TEX26: variants seen among roughly 807,000 people sequenced by gnomAD.
The protein encoded by TEX26 is testis-expressed protein 26.
Under a neutral mutation model 35.3 loss-of-function variants are expected in TEX26, and 34 were observed. The ratio of observed to expected loss-of-function variants is 0.96; its 90% CI spans 0.73 to 1.28. The LOEUF is 1.28. TEX26 is among the 50% of genes most tolerant of loss of function. The pLI is 0.00. For missense variants in TEX26, 371 were observed against 330.1 expected, an observed-to-expected ratio of 1.12 and a Z score of -0.96; for synonymous variants, 136 against 111.8, an observed-to-expected ratio of 1.22 and a Z score of -1.36.
intron 1 of TEX26, 92 bp from the exon 2 acceptor site, chr13:30,939,602 T>C (rs1593536084): frequency 8.4e-7 from 1 of 1,193,630 alleles, no homozygotes; most frequent in Non-Finnish European, 1.2e-6. Flanking sequence ...AAAATGTTTT[T>C]TTCTCTTGCA....
chr13:30,955,259 G>C (rs1039701791), intron 3 of TEX26, among the ~76,000 whole-genome samples: 7 of 152,214 alleles, frequency 4.6e-5, no homozygotes, highest in Non-Finnish European at 1.0e-4. Context: ...GCCATCCTGG[G>C]TGGGGCCACA....
At chr13:30,956,385 T>C (rs1018409182) in intron 3 of TEX26, among the ~76,000 whole-genome samples, 17 of 152,240 alleles carry the variant, frequency 1.1e-4, no homozygotes, top group Admixed American at 7.8e-4. Context: ...ATGGTGTATA[T>C]GTGCCACATT....
At position 30,956,994 on chromosome 13, in the gene TEX26, C is replaced by T. The variant is rs34860357; in HGVS notation, c.434C>T (p.Ser145Phe). ...AAGGCACTATCAAATCAGTTTATTTCCCTTACTAAGAGAGACTTTGTGGAC... is the reference window on the plus strand; with the variant it reads ...AAGGCACTATCAAATCAGTTTATTTTCCTTACTAAGAGAGACTTTGTGGAC... Reference protein sequence around the residue: ...VNKALSNQFISLTKRDFVDRS... With the variant: ...VNKALSNQFIFLTKRDFVDRS... Residue 145 changes from serine (S) to phenylalanine (F), a missense_variant, in exon 4 of 7, where the codon TCC becomes TTC. Transcript: ENST00000380473. 6.3e-5 allele frequency: 102 copies of T among 1,614,180 alleles called. No individual in the cohort carries two copies. The South Asian group carries it at 7.8e-4, about 12-fold the overall frequency.
chr13:30,941,583 A>G (rs1953513558), intron 2 of TEX26, among the ~76,000 whole-genome samples: 2 of 152,142 alleles, frequency 1.3e-5, no homozygotes, highest in Admixed American at 6.5e-5. Flanking sequence ...ATTTTAGGGT[A>G]CCCGTAACTA....
At chr13:30,969,159 A>G in intron 6 of TEX26, 113 bp downstream of exon 6, 10 of 877,384 alleles carry the variant, frequency 1.1e-5, no homozygotes, top group Middle Eastern at 3.8e-4. Flanking sequence ...AAATGAAAAC[A>G]TTGCCTCAAA....
chr13:30,962,915 C>T (rs185942661), intron 4 of TEX26, among the ~76,000 whole-genome samples: 3 of 152,084 alleles, frequency 2.0e-5, no homozygotes, highest in Non-Finnish European at 4.4e-5. Flanking sequence ...CTCTGCCTCC[C>T]GGGTTCATGC....
chr13:30,934,424 C>T (rs930645077), intron 1 of TEX26, among the ~76,000 whole-genome samples: 6 of 152,174 alleles, frequency 3.9e-5, no homozygotes, highest in Non-Finnish European at 7.3e-5. Context: ...ATGGGGCTCT[C>T]AGGTGTTGTA....
intron 6 of TEX26, among the ~76,000 whole-genome samples, chr13:30,969,473 A>G (rs932831493): frequency 6.6e-6 from 1 of 152,190 alleles, no homozygotes; most frequent in Non-Finnish European, 1.5e-5. Flanking sequence ...GAAAATCTCT[A>G]TATATCACTC....
chr13:30,946,030 T>C (rs1459361462), intron 2 of TEX26, among the ~76,000 whole-genome samples: 1 of 151,980 alleles, frequency 6.6e-6, no homozygotes, highest in Non-Finnish European at 1.5e-5. Context: ...TTTTCCTCAA[T>C]TATTCCCTCA....
At chr13:30,958,699 T>G (rs1393735885) in intron 4 of TEX26, among the ~76,000 whole-genome samples, 5 of 152,204 alleles carry the variant, frequency 3.3e-5, no homozygotes, top group Non-Finnish European at 7.3e-5. Context: ...AACTTTATCT[T>G]TCCAGTTCTC....
At position 30,956,953 on chromosome 13, in the gene TEX26, A is replaced by G. The variant is rs1165370020; in HGVS notation, c.393A>G (p.Ser131=). Residue 131 remains serine, a synonymous_variant, in exon 4 of 7, where the codon TCA becomes TCG. Transcript: ENST00000380473. ...KNCLPWKIPA[S]MKEVNKALSN... ...GCCTCCCTTGGAAAATCCCGGCTTCAATGAAAGAAGTTAACAAGGCACTAT... is the reference window on the plus strand; with the variant it reads ...GCCTCCCTTGGAAAATCCCGGCTTCGATGAAAGAAGTTAACAAGGCACTAT... The G allele has an allele frequency of 1.2e-6, 2 of 1,614,234 alleles. No individual in the cohort carries two copies. The highest frequency in any genetic ancestry group is 3.3e-5 in the Admixed American group (2 of 60,032).
At chr13:30,947,902 A>G (rs751363000) in intron 2 of TEX26, among the ~76,000 whole-genome samples, 3 of 150,616 alleles carry the variant, frequency 2.0e-5, no homozygotes, top group Middle Eastern at 3.4e-3. Flanking sequence ...CCCCCACCCC[A>G]CAACTGTCCC....
intron 2 of TEX26, among the ~76,000 whole-genome samples, chr13:30,940,502 T>A (rs1566141065): frequency 6.6e-6 from 1 of 151,288 alleles, no homozygotes; most frequent in African/African-American, 2.4e-5. Flanking sequence ...CCTGGCTAAT[T>A]TTTTGTATTT....
Position 30,951,901 on chromosome 13 carries a change from T to C in TEX26, c.147-759T>C, listed in dbSNP as rs186297315. Among the ~76,000 whole-genome samples the C allele has an allele frequency of 2.6e-4, 39 of 151,028 alleles. 1 individual carries two copies. The South Asian group carries it at 5.7e-3, about 22-fold the overall frequency. Reference sequence around the variant, plus strand: ...GTCCACACATTTCATTTGGTTATTGTCTCTTACCTCATTTAATCTTTAAAA... The same window carrying C: ...GTCCACACATTTCATTTGGTTATTGCCTCTTACCTCATTTAATCTTTAAAA... On this transcript the variant is annotated intron_variant, in intron 2 of 6. Coordinates refer to ENST00000380473, the MANE Select transcript of TEX26 (RefSeq NM_152325.3).
At chr13:30,939,815 T>G in intron 2 of TEX26, 37 bp downstream of exon 2, 1 of 1,561,412 alleles carries the variant, frequency 6.4e-7, no homozygotes. Flanking sequence ...TATACATGTT[T>G]TAATTTGTTG....
At chr13:30,937,428 A>C (rs1204581211) in intron 1 of TEX26, among the ~76,000 whole-genome samples, 1 of 152,132 alleles carries the variant, frequency 6.6e-6, no homozygotes, top group African/African-American at 2.4e-5. Context: ...AACAGGGAAA[A>C]TTTATGTGTG....
rs141900798 is a variant in TEX26, at chr13:30,968,895, G to A, written c.657G>A (p.Val219=). The change falls in exon 6 of 7, where the codon GTG becomes GTA. Residue 219 remains valine (V), a synonymous_variant. Coordinates refer to ENST00000380473, the MANE Select transcript of TEX26 (RefSeq NM_152325.3). ...PVASQGLVPS[V]LHSYLRNQEH... ...TGTGTATTTCTATAGTGCCTTCTGT[G>A]CTGCACAGCTACCTGAGGAACCAAG... 12,360 of 1,613,610 alleles carry A rather than the reference G, an allele frequency of 7.7e-3. 55 individuals carry two copies. The highest frequency in any genetic ancestry group is 9.3e-3 in the Non-Finnish European group (10,946 of 1,179,686).
chr13:30,938,554 AC>A (rs1953358844), intron 1 of TEX26, among the ~76,000 whole-genome samples: 1 of 151,916 alleles, frequency 6.6e-6, no homozygotes, highest in African/African-American at 2.4e-5. Context: ...CATCAAGGGG[AC>A]CCCTCTCTGA....
intron 2 of TEX26, among the ~76,000 whole-genome samples, chr13:30,951,297 A>G (rs1953911002): frequency 6.6e-6 from 1 of 151,622 alleles, no homozygotes; most frequent in Non-Finnish European, 1.5e-5. Flanking sequence ...TAGAGGCTGC[A>G]GTGAGCTATG....
Sources: gnomAD v4.1 joint callset for allele counts (sites outside exome capture counted in the v4.1 genomes callset) on GRCh38, gnomAD v4.1.1 for gene constraint, MANE v1.5 for transcripts, NCBI Gene and HGNC (gene_info 2026-07-23, HGNC 2026-07-21) for gene names.